Variants in NFKB1 observed in about 807,000 individuals in gnomAD.
NFKB1 encodes nuclear factor NF-kappa-B p105 subunit.
A neutral mutation model predicts 105.1 loss-of-function variants in NFKB1; 9 were observed. The observed-to-expected ratio is 0.09, with a 90% CI of 0.05 to 0.15. The LOEUF (loss-of-function observed/expected upper bound fraction) is 0.15. Among genes scored for constraint, NFKB1 ranks in the 10% least tolerant of loss-of-function variants. The pLI is 1.00. For missense variants in NFKB1, 830 were observed against 1,203.7 expected, an observed-to-expected ratio of 0.69 and a Z score of 4.59; for synonymous variants, 440 against 442.2, an observed-to-expected ratio of 1.00 and a Z score of 0.06.
chr4:102,607,299 G>T lies in NFKB1; in HGVS notation c.2104G>T (p.Ala702Ser). The change falls in exon 18 of 24, where the codon GCA becomes TCA. Residue 702 changes from alanine to serine, a missense_variant. By Grantham distance (99) the Ala-to-Ser change is moderately conservative (BLOSUM62 1). Coordinates refer to ENST00000226574, the MANE Select transcript of NFKB1 (RefSeq NM_003998.4). ...LAVEHDNISL[A>S]GCLLLEGDAH... is the part of the protein sequence containing the mutation. ...TGTGGAGCACGACAACATCTCATTG[G>T]CAGGCTGCCTGCTCCTGGAGGTGAA... 1 of 1,612,644 alleles carries T rather than the reference G, an allele frequency of 6.2e-7. No individual in the cohort carries two copies. Among genetic ancestry groups the T allele is most frequent in the East Asian group, 2.2e-5 (1 of 44,840 alleles).
chr4:102,565,272 A>G (rs575300933), intron 5 of NFKB1, among the ~76,000 whole-genome samples: 2 of 152,118 alleles, frequency 1.3e-5, no homozygotes, highest in Non-Finnish European at 2.9e-5. Context: ...GAAGGAGGTT[A>G]GAAGGTTTAG....
At chr4:102,551,494 G>T (rs1298770671) in intron 5 of NFKB1, among the ~76,000 whole-genome samples, 1 of 152,128 alleles carries the variant, frequency 6.6e-6, no homozygotes, top group Non-Finnish European at 1.5e-5. Flanking sequence ...AGTGGAATTT[G>T]ACAGGTGTAC....
At chr4:102,568,198 CTTTG>C (rs1724031591) in intron 6 of NFKB1, among the ~76,000 whole-genome samples, 1 of 151,500 alleles carries the variant, frequency 6.6e-6, no homozygotes, top group Admixed American at 6.6e-5. Flanking sequence ...CTAGGTATTT[CTTTG>C]TTTGACTGTG....
At chr4:102,598,439 G>A (rs937198674) in intron 15 of NFKB1, among the ~76,000 whole-genome samples, 6 of 152,148 alleles carry the variant, frequency 3.9e-5, no homozygotes, top group African/African-American at 1.4e-4. Flanking sequence ...TTCTGTGGAA[G>A]AGCTCTTGAG....
intron 21 of NFKB1, 140 bp from the exon 22 acceptor site, chr4:102,612,294 C>T (rs1380873743): frequency 7.3e-6 from 7 of 957,908 alleles, no homozygotes; most frequent in Non-Finnish European, 1.1e-5. Flanking sequence ...GCCTTCTACT[C>T]AGCTGGGCTT....
chr4:102,515,788 A>G (rs1476520336), intron 1 of NFKB1, among the ~76,000 whole-genome samples: 2 of 152,216 alleles, frequency 1.3e-5, no homozygotes, highest in African/African-American at 4.8e-5. Flanking sequence ...TGTTTAGGAA[A>G]TTAAGAAAGA....
intron 5 of NFKB1, among the ~76,000 whole-genome samples, chr4:102,555,056 T>C (rs1322525628): frequency 6.6e-6 from 1 of 152,178 alleles, no homozygotes; most frequent in African/African-American, 2.4e-5. Context: ...TGTTCCTAAC[T>C]GGTTTCAAGC....
At chr4:102,612,756 T>C (rs998663543) in intron 22 of NFKB1, 150 bp downstream of exon 22, 11 of 659,132 alleles carry the variant, frequency 1.7e-5, no homozygotes, top group East Asian at 8.3e-5. Context: ...CCAGGCCAAG[T>C]TGGCAGCCCA....
chr4:102,610,839 C>G (rs1728340291), intron 20 of NFKB1, 140 bp downstream of exon 20: 1 of 1,107,364 alleles, frequency 9.0e-7, no homozygotes, highest in Admixed American at 2.9e-5. Flanking sequence ...TGTCAGAGAC[C>G]ATTTTTATCT....
At position 102,578,875 on chromosome 4, in the gene NFKB1, C is replaced by T. The variant is rs775272183; in HGVS notation, c.572-6C>T. The T allele has an allele frequency of 6.2e-7, 1 of 1,613,928 alleles. No individual in the cohort carries two copies. The highest frequency in any genetic ancestry group is 8.5e-7 in the Non-Finnish European group (1 of 1,179,904). ...GGCATGAATGGACTGTGCTGTATGG[C>T]CCTAGATCGGGAAAAAGAGCTAATC... On this transcript the variant is annotated splice_region_variant and splice_polypyrimidine_tract_variant and intron_variant, in intron 7 of 23. Coordinates refer to ENST00000226574, the MANE Select transcript of NFKB1 (RefSeq NM_003998.4).
In NFKB1 at chr4:102,604,345, G is replaced by T. The variant is rs73834832; in HGVS notation, c.1753-2151G>T. On this transcript the variant is annotated intron_variant, in intron 16 of 23. Coordinates refer to ENST00000226574, the MANE Select transcript of NFKB1 (RefSeq NM_003998.4). ...GGAGGTTACAAAAACGTACTAGGAA[G>T]TCCTAGTATTTACTGCAAGGAAACC... Among the ~76,000 whole-genome samples the T allele has an allele frequency of 3.2e-3, 486 of 152,132 alleles. 2 individuals are homozygous for T. Among genetic ancestry groups the T allele is most frequent in the African/African-American group, 0.011 (456 of 41,506 alleles).
At chr4:102,598,132 C>G (rs1726794709) in intron 15 of NFKB1, among the ~76,000 whole-genome samples, 1 of 152,214 alleles carries the variant, frequency 6.6e-6, no homozygotes, top group South Asian at 2.1e-4. Context: ...GGTTTCTTCT[C>G]TGCTCCCTCT....
chr4:102,527,598 T>C (rs1171124263), intron 2 of NFKB1, among the ~76,000 whole-genome samples: 1 of 152,210 alleles, frequency 6.6e-6, no homozygotes, highest in Non-Finnish European at 1.5e-5. Flanking sequence ...AAAGAATGAC[T>C]GCATTGCTTT....
At chr4:102,587,906 G>C (rs1725846890) in intron 11 of NFKB1, among the ~76,000 whole-genome samples, 1 of 152,062 alleles carries the variant, frequency 6.6e-6, no homozygotes, top group Non-Finnish European at 1.5e-5. Flanking sequence ...GATAGAAATG[G>C]ATCCAAACTG....
At chr4:102,570,510 C>A (rs1724249799) in intron 6 of NFKB1, among the ~76,000 whole-genome samples, 1 of 152,112 alleles carries the variant, frequency 6.6e-6, no homozygotes, top group African/African-American at 2.4e-5. Context: ...GTGGATACTG[C>A]CGCAGTGAAC....
intron 19 of NFKB1, 38 bp downstream of exon 19, chr4:102,607,789 T>C: frequency 6.3e-7 from 1 of 1,589,024 alleles, no homozygotes; most frequent in Non-Finnish European, 8.6e-7. Context: ...TGAAAAATGT[T>C]ACCAGGAATG....
intron 5 of NFKB1, among the ~76,000 whole-genome samples, chr4:102,542,472 C>T (rs1448398610): frequency 6.6e-6 from 1 of 151,566 alleles, no homozygotes; most frequent in Non-Finnish European, 1.5e-5. Context: ...TAGGTATTAG[C>T]ATCTTACCTT....
At chr4:102,518,604 C>T (rs540359519) in intron 1 of NFKB1, among the ~76,000 whole-genome samples, 1 of 152,286 alleles carries the variant, frequency 6.6e-6, no homozygotes, top group African/African-American at 2.4e-5. Context: ...AAAGGAGAAT[C>T]ACCACAAAGC....
Position 102,501,617 on chromosome 4 carries a change from C to G in NFKB1, c.-179C>G, listed in dbSNP as rs1739023365. The G allele has an allele frequency of 6.7e-6, 1 of 148,258 alleles. No homozygotes were observed. The highest frequency in any genetic ancestry group is 2.1e-4 in the South Asian group (1 of 4,836). 9.2% of individuals were successfully genotyped at this position (148,258 alleles called of 1,614,324 possible). On this transcript the variant is annotated 5_prime_UTR_variant, in exon 1 of 24. Coordinates refer to ENST00000226574, the MANE Select transcript of NFKB1 (RefSeq NM_003998.4). Reference sequence around the variant, plus strand: ...CGCCCGCGCTGCGGCCATGGCGCGGCGCTGACTGGCCTGGCCCGGCCCCGC... The same window carrying G: ...CGCCCGCGCTGCGGCCATGGCGCGGGGCTGACTGGCCTGGCCCGGCCCCGC...
Sources: gnomAD v4.1 joint callset for allele counts (sites outside exome capture counted in the v4.1 genomes callset) on GRCh38, gnomAD v4.1.1 for gene constraint, MANE v1.5 for transcripts, NCBI Gene and HGNC (gene_info 2026-07-23, HGNC 2026-07-21) for gene names.